MAGI2: variants seen among roughly 807,000 people sequenced by gnomAD.
The protein encoded by MAGI2 is membrane-associated guanylate kinase, WW and PDZ domain-containing protein 2.
In MAGI2, 35 loss-of-function variants were observed where a neutral mutation model predicts 133.3. The ratio of observed to expected loss-of-function variants is 0.26; its 90% CI spans 0.20 to 0.35. The LOEUF (loss-of-function observed/expected upper bound fraction) is 0.35. MAGI2 is among the 10% of genes least tolerant of loss of function. The pLI, the probability that MAGI2 is intolerant of heterozygous loss-of-function variation, is 1.00. For synonymous variants in MAGI2, 729 were observed against 710.6 expected (o/e 1.03, Z -0.41); for missense variants, 1,636 against 1,863.4 (o/e 0.88, Z 2.25).
At chr7:78,894,043 C>A (rs1797000775) in intron 2 of MAGI2, among the ~76,000 whole-genome samples, 1 of 152,138 alleles carries the variant, frequency 6.6e-6, no homozygotes, top group Non-Finnish European at 1.5e-5. Flanking sequence ...AATGCACTAC[C>A]TTCAGTTTTC....
chr7:78,593,360 C>A lies in MAGI2; in HGVS notation c.538+33760G>T, dbSNP rs1344919636. Among the ~76,000 whole-genome samples, 3 of 152,094 alleles carry A rather than the reference C, an allele frequency of 2.0e-5. No individual in the cohort carries two copies. In the East Asian group the frequency reaches 5.9e-4, roughly 30 times the overall value. Reference sequence around the variant, plus strand: ...TGAGCTGAGATCGCACTACTGCACTCCAGCCTGGGCGACAGAGCGAGACTC... The same window carrying A: ...TGAGCTGAGATCGCACTACTGCACTACAGCCTGGGCGACAGAGCGAGACTC... On this transcript the variant is annotated intron_variant, in intron 3 of 21. Transcript: ENST00000354212.
chr7:78,298,134 A>C (rs1363475326), intron 9 of MAGI2, among the ~76,000 whole-genome samples: 1 of 152,208 alleles, frequency 6.6e-6, no homozygotes, highest in Non-Finnish European at 1.5e-5. Flanking sequence ...CAGTATAATC[A>C]TGAGCAAAAC....
At chr7:78,884,069 A>T (rs1372775483) in intron 2 of MAGI2, among the ~76,000 whole-genome samples, 1 of 152,194 alleles carries the variant, frequency 6.6e-6, no homozygotes, top group Non-Finnish European at 1.5e-5. Flanking sequence ...TAAACAGACA[A>T]CTCAGAGAAT....
chr7:79,047,178 C>T (rs1812248978), intron 1 of MAGI2, among the ~76,000 whole-genome samples: 1 of 152,016 alleles, frequency 6.6e-6, no homozygotes, highest in Non-Finnish European at 1.5e-5. Flanking sequence ...TATTAGCCAG[C>T]AAGATGTGTT....
intron 1 of MAGI2, among the ~76,000 whole-genome samples, chr7:79,015,584 A>C (rs113866341): frequency 0.081 from 12,332 of 152,268 alleles, 552 homozygotes; most frequent in African/African-American, 0.11. Flanking sequence ...GTTGTGATGG[A>C]TCAGTACTAA....
chr7:78,300,766 T>G (rs1797752590), intron 9 of MAGI2, among the ~76,000 whole-genome samples: 1 of 152,204 alleles, frequency 6.6e-6, no homozygotes, highest in South Asian at 2.1e-4. Context: ...TGCTACTACA[T>G]TATAAACATT....
At chr7:78,783,941 G>A (rs780079307) in intron 2 of MAGI2, among the ~76,000 whole-genome samples, 21 of 152,218 alleles carry the variant, frequency 1.4e-4, no homozygotes, top group East Asian at 5.8e-4. Context: ...TAAAGAATAC[G>A]GAAACACCCG....
chr7:78,458,789 C>A (rs1002975598), intron 6 of MAGI2, among the ~76,000 whole-genome samples: 1 of 152,074 alleles, frequency 6.6e-6, no homozygotes, highest in Non-Finnish European at 1.5e-5. Flanking sequence ...CGCCCACCAC[C>A]ACGCCTGGCT....
chr7:78,020,036 C>A, intron 21 of MAGI2, 60 bp from the exon 22 acceptor site: 1 of 1,436,228 alleles, frequency 7.0e-7, no homozygotes, highest in East Asian at 2.5e-5. Flanking sequence ...CGTGCCCTCT[C>A]TACGCCGGGG....
intron 1 of MAGI2, among the ~76,000 whole-genome samples, chr7:79,415,985 G>A (rs763671631): frequency 1.3e-5 from 2 of 152,032 alleles, no homozygotes; most frequent in African/African-American, 2.4e-5. Flanking sequence ...TAGACTATTC[G>A]ACAGCAAGAA....
At position 78,086,638 on chromosome 7, in the gene MAGI2, A is replaced by AT. The variant is rs1388047369; in HGVS notation, c.3568-7554dup. On this transcript the variant is annotated intron_variant, in intron 20 of 21. Transcript: ENST00000354212. ...TGGGTGATCACTTCCCATTATTATT[A>AT]TTATTTTTTTTTTTGAGATAGGGTC... Among the ~76,000 whole-genome samples the AT allele has an allele frequency of 1.4e-4, 10 of 70,134 alleles. No homozygotes were observed. In the South Asian group the frequency reaches 3.9e-3, roughly 27 times the overall value. 46.0% of individuals were successfully genotyped at this position (70,134 alleles called of 152,430 possible).
chr7:78,596,253 G>A (rs570750769), intron 3 of MAGI2, among the ~76,000 whole-genome samples: 39 of 151,974 alleles, frequency 2.6e-4, no homozygotes, highest in African/African-American at 9.2e-4. Flanking sequence ...AAGGTGAAAG[G>A]GAGGGAAGAA....
intron 1 of MAGI2, among the ~76,000 whole-genome samples, chr7:79,195,836 A>G (rs192630980): frequency 6.6e-6 from 1 of 151,880 alleles, no homozygotes; most frequent in Non-Finnish European, 1.5e-5. Context: ...CCTGGAGGAC[A>G]TTATGTCAAG....
chr7:78,461,393 C>CGTGTGTGT (rs10654835), intron 6 of MAGI2, among the ~76,000 whole-genome samples: 2,176 of 138,088 alleles, frequency 0.016, 23 homozygotes, highest in African/African-American at 0.026. Context: ...CGTGTGTGTG[C>CGTGTGTGT]GTGTGTGTGT....
chr7:78,306,401 T>C (rs2151085158), intron 9 of MAGI2, among the ~76,000 whole-genome samples: 1 of 152,314 alleles, frequency 6.6e-6, no homozygotes, highest in African/African-American at 2.4e-5. Context: ...GTTCATTCAT[T>C]CAATTTAAAT....
intron 9 of MAGI2, among the ~76,000 whole-genome samples, chr7:78,339,431 A>G (rs921887580): frequency 3.3e-5 from 5 of 152,244 alleles, no homozygotes; most frequent in Non-Finnish European, 7.3e-5. Context: ...AGTAAAAAAG[A>G]AAAAAGATTT....
chr7:78,647,696 C>G (rs1422003784), intron 2 of MAGI2, among the ~76,000 whole-genome samples: 1 of 152,130 alleles, frequency 6.6e-6, no homozygotes, highest in Non-Finnish European at 1.5e-5. Context: ...CACATGCACA[C>G]ATATGTTTAT....
chr7:79,281,513 C>A lies in MAGI2; in HGVS notation c.301+171507G>T, dbSNP rs554026020. Among the ~76,000 whole-genome samples the A allele has an allele frequency of 2.1e-5, 3 of 142,420 alleles. No individual in the cohort carries two copies. The South Asian group carries it at 7.0e-4, about 33-fold the overall frequency. 93.4% of individuals were successfully genotyped at this position (142,420 alleles called of 152,430 possible). On this transcript the variant is annotated intron_variant, in intron 1 of 21. Coordinates refer to ENST00000354212, the MANE Select transcript of MAGI2 (RefSeq NM_012301.4). The stretch of plus-strand genomic sequence containing the variant: ...TTACATATTAAAAACAAAGCCAAAA[C>A]AAAGTAAAACACTAAGTTTAGAAGA...
chr7:79,377,184 T>G (rs1366017810), intron 1 of MAGI2, among the ~76,000 whole-genome samples: 1 of 151,772 alleles, frequency 6.6e-6, no homozygotes, highest in Non-Finnish European at 1.5e-5. Context: ...GAAATGGGAG[T>G]TATTTCATCC....
Sources: gnomAD v4.1 joint callset for allele counts (sites outside exome capture counted in the v4.1 genomes callset) on GRCh38, gnomAD v4.1.1 for gene constraint, MANE v1.5 for transcripts, NCBI Gene and HGNC (gene_info 2026-07-23, HGNC 2026-07-21) for gene names.